The following CA5B variants were observed in gnomAD, a reference collection of about 807,000 sequenced individuals.
The protein encoded by CA5B is carbonic anhydrase 5B, mitochondrial.
Under a neutral mutation model 23.1 loss-of-function variants are expected in CA5B, and 15 were observed. The ratio of observed to expected loss-of-function variants is 0.65; its 90% CI spans 0.43 to 1.00. The LOEUF (loss-of-function observed/expected upper bound fraction) is 1.00. CA5B is among the 50% of genes least tolerant of loss of function. The pLI is 0.00. For synonymous variants in CA5B, 84 were observed against 98.5 expected (o/e 0.85, Z 0.87); for missense variants, 236 against 252.2 (o/e 0.94, Z 0.43).
At chrX:15,773,256 GTTTCA>G (rs1394391413) in intron 4 of CA5B, among the ~76,000 whole-genome samples, 3 of 110,675 alleles carry the variant, frequency 2.7e-5, no homozygotes, top group Admixed American at 1.9e-4. Context: ...TTTTATATTT[GTTTCA>G]TTTTATTTTG....
rs899046103 is a variant in CA5B at position 15,785,481 on chromosome X, A to G, written c.*2817A>G. ...TATGCAAAGTAGTCAAAATCATACA[A>G]TAGAAAGTAGAAAGGTGGTTGCCAA... is the stretch of plus-strand genomic sequence containing the variant. On this transcript the variant is annotated 3_prime_UTR_variant, in exon 8 of 8. Transcript: ENST00000318636. 4.4e-5 allele frequency: 5 copies of G among 112,378 alleles called. No homozygotes were observed. The highest frequency in any genetic ancestry group is 7.5e-5 in the Non-Finnish European group (4 of 53,347). 9.3% of individuals were successfully genotyped at this position (112,378 alleles called of 1,213,427 possible). A position where few individuals can be genotyped will look rare whatever the true frequency, so the allele number is the denominator to read the frequency against.
chrX:15,763,799 A>G (rs1931650638), intron 2 of CA5B, among the ~76,000 whole-genome samples: 1 of 112,183 alleles, frequency 8.9e-6, no homozygotes, highest in African/African-American at 3.2e-5. Flanking sequence ...CCTTAGAACC[A>G]GGGAAACTGA....
chrX:15,779,927 C>A (rs765814021), intron 7 of CA5B, among the ~76,000 whole-genome samples: 2 of 111,687 alleles, frequency 1.8e-5, no homozygotes, highest in African/African-American at 6.5e-5. Context: ...TTTGTAAATA[C>A]GATTTCAACA....
chrX:15,770,346 T>C (rs1180500638), intron 3 of CA5B, among the ~76,000 whole-genome samples: 1 of 111,904 alleles, frequency 8.9e-6, no homozygotes, highest in Non-Finnish European at 1.9e-5. Flanking sequence ...GAATAAAATA[T>C]CAACAACCTC....
intron 3 of CA5B, among the ~76,000 whole-genome samples, chrX:15,765,700 T>C (rs377422889): frequency 6.0e-4 from 66 of 109,940 alleles, no homozygotes; most frequent in African/African-American, 2.0e-3. Flanking sequence ...GAAATTGGCA[T>C]CTAGTGTGTC....
At chrX:15,748,886 T>A (rs185459272) in intron 1 of CA5B, among the ~76,000 whole-genome samples, 1 of 110,814 alleles carries the variant, frequency 9.0e-6, no homozygotes, top group East Asian at 2.8e-4. Context: ...CCTATCTCTA[T>A]GAAAAATACA....
intron 1 of CA5B, among the ~76,000 whole-genome samples, chrX:15,743,240 C>A (rs1931158738): frequency 1.8e-5 from 2 of 112,459 alleles, no homozygotes; most frequent in Non-Finnish European, 3.8e-5. Context: ...CTCCTCCAAT[C>A]CTTTGCTCAA....
intron 7 of CA5B, among the ~76,000 whole-genome samples, chrX:15,780,981 CT>C (rs540005812): frequency 1.2e-3 from 123 of 100,321 alleles, no homozygotes; most frequent in Middle Eastern, 5.0e-3. Flanking sequence ...ATTTTGTTTT[CT>C]TTTTTTTTTT....
At chrX:15,742,522 C>T (rs1401104275) in intron 1 of CA5B, among the ~76,000 whole-genome samples, 2 of 112,148 alleles carry the variant, frequency 1.8e-5, no homozygotes, top group Non-Finnish European at 3.8e-5. Flanking sequence ...TACAGACGTG[C>T]ATCACCATAC....
chrX:15,769,456 T>C (rs1308765836), intron 3 of CA5B: 2 of 750,170 alleles, frequency 2.7e-6, no homozygotes, highest in African/African-American at 4.6e-5. Context: ...TCAATTATCA[T>C]CTCCTCTGGA....
intron 2 of CA5B, among the ~76,000 whole-genome samples, chrX:15,758,215 A>C (rs1489725554): frequency 8.9e-6 from 1 of 112,210 alleles, no homozygotes; most frequent in African/African-American, 3.2e-5. Context: ...ACACAACAGA[A>C]ATTTGTTGCT....
intron 1 of CA5B, chrX:15,745,776 A>G (rs986498068): frequency 2.3e-4 from 26 of 111,562 alleles, no homozygotes; most frequent in African/African-American, 6.8e-4. Flanking sequence ...CAGTTTTATC[A>G]GAGGGAATCC....
intron 3 of CA5B, among the ~76,000 whole-genome samples, chrX:15,766,239 T>C (rs1931707966): frequency 9.0e-6 from 1 of 110,562 alleles, no homozygotes; most frequent in Non-Finnish European, 1.9e-5. Context: ...TTGTTTTCTT[T>C]GTATTTTCCT....
chrX:15,763,666 T>C (rs1008672121), intron 2 of CA5B, among the ~76,000 whole-genome samples: 1 of 112,470 alleles, frequency 8.9e-6, no homozygotes, highest in Non-Finnish European at 1.9e-5. Flanking sequence ...GAGAGATGGA[T>C]GAGAGGGAAT....
chrX:15,768,300 G>A (rs1277171489), intron 3 of CA5B, among the ~76,000 whole-genome samples: 3 of 111,101 alleles, frequency 2.7e-5, no homozygotes, highest in Non-Finnish European at 5.7e-5. Context: ...GAGCCACCGA[G>A]CCAGGCCTCA....
intron 7 of CA5B, among the ~76,000 whole-genome samples, chrX:15,779,766 T>C (rs1246779935): frequency 9.0e-6 from 1 of 111,392 alleles, no homozygotes; most frequent in Admixed American, 9.5e-5. Context: ...GTATAGGCTT[T>C]GTGGCCTATA....
chrX:15,741,403 AT>A (rs1433232418), intron 1 of CA5B, among the ~76,000 whole-genome samples: 3 of 106,758 alleles, frequency 2.8e-5, no homozygotes, highest in Non-Finnish European at 5.8e-5. Context: ...AAAAAAAAAA[AT>A]CCCATTTGAT....
At chrX:15,738,482 C>A (rs920546929) in intron 1 of CA5B, 130 bp downstream of exon 1, 2 of 111,246 alleles carry the variant, frequency 1.8e-5, no homozygotes, top group Admixed American at 9.5e-5. Context: ...GTTGATCCTG[C>A]GAGTATTGTC....
At chrX:15,738,987 C>T (rs1361163517) in intron 1 of CA5B, among the ~76,000 whole-genome samples, 2 of 111,921 alleles carry the variant, frequency 1.8e-5, no homozygotes, top group African/African-American at 6.5e-5. Flanking sequence ...GTTTTGTGCT[C>T]AGCCCTAAAG....
Sources: allele counts gnomAD v4.1 joint callset (sites outside exome capture counted in the v4.1 genomes callset), GRCh38; gene constraint gnomAD v4.1.1; transcripts MANE v1.5; gene names NCBI Gene and HGNC (gene_info 2026-07-23, HGNC 2026-07-21).